Variants in GANC observed in about 807,000 individuals in gnomAD.
The protein encoded by GANC is glucosidase alpha, neutral C, also known as neutral alpha-glucosidase C.
A neutral mutation model predicts 124.2 loss-of-function variants in GANC; 117 were observed. That is an observed-to-expected ratio of 0.94 (90% CI 0.81 to 1.10). The LOEUF is 1.10. Ranked by LOEUF, GANC falls within the 50% of genes least tolerant of loss-of-function variation. The pLI is 0.00. For missense variants in GANC, 1,140 were observed against 1,095.0 expected (o/e 1.04, Z -0.58); for synonymous variants, 377 against 376.8 (o/e 1.00, Z -0.01).
chr15:42,331,037 G>C (rs1001203929), intron 15 of GANC, among the ~76,000 whole-genome samples: 4 of 152,038 alleles, frequency 2.6e-5, no homozygotes, highest in Non-Finnish European at 5.9e-5. Flanking sequence ...GGACTCAAGC[G>C]ATCTGCCCAC....
intron 5 of GANC, among the ~76,000 whole-genome samples, chr15:42,296,795 G>T (rs2051896359): frequency 6.6e-6 from 1 of 150,398 alleles, no homozygotes; most frequent in Non-Finnish European, 1.5e-5. Context: ...ATAAAAGTAT[G>T]CTGTATATAT....
At position 42,308,242 on chromosome 15, in the gene GANC, G is replaced by C. The variant is rs764488546; in HGVS notation, c.646G>C (p.Asp216His). The change falls in exon 8 of 24, where the codon GAT becomes CAT. Residue 216 changes from aspartate to histidine, a missense_variant. Transcript: ENST00000318010. Reference protein sequence around the residue: ...KANGPSSIGLDFSLHGFEHLY... With the variant: ...KANGPSSIGLHFSLHGFEHLY... ...TACAGGCCCTTCTTCTATTGGTTTG[G>C]ATTTCTCCTTGCATGGATTTGAGCA... 1 of 1,606,186 alleles carries C rather than the reference G, an allele frequency of 6.2e-7. No individual in the cohort carries two copies. The highest frequency in any genetic ancestry group is 1.1e-5 in the South Asian group (1 of 90,264).
At chr15:42,347,797 A>G (rs10518763) in intron 20 of GANC, among the ~76,000 whole-genome samples, 14,751 of 152,252 alleles carry the variant, frequency 0.097, 837 homozygotes, top group South Asian at 0.18. Context: ...AAAGCCACTT[A>G]TAGGATGGGC....
At chr15:42,340,191 A>G (rs1211450766) in intron 17 of GANC, among the ~76,000 whole-genome samples, 1 of 152,232 alleles carries the variant, frequency 6.6e-6, no homozygotes, top group African/African-American at 2.4e-5. Context: ...GTGGCTTTGT[A>G]ATAAAATTCA....
intron 15 of GANC, among the ~76,000 whole-genome samples, chr15:42,338,175 T>C (rs2052298460): frequency 6.6e-6 from 1 of 152,238 alleles, no homozygotes; most frequent in Admixed American, 6.5e-5. Flanking sequence ...AATTTCAGAA[T>C]ATTTTCCTAG....
chr15:42,340,600 C>CA, intron 17 of GANC, 90 bp from the exon 18 acceptor site: 1 of 790,330 alleles, frequency 1.3e-6, no homozygotes, highest in Non-Finnish European at 1.9e-6. Context: ...TGAGATCCAT[C>CA]TAAAAAAAAA....
At chr15:42,338,343 C>T (rs768765023) in intron 15 of GANC, 46 bp from the exon 16 acceptor site, 4 of 1,333,778 alleles carry the variant, frequency 3.0e-6, no homozygotes, top group Non-Finnish European at 3.2e-6. Flanking sequence ...AAATTGAACG[C>T]ATGGGTTGAT....
chr15:42,302,665 C>T (rs2051957553), intron 6 of GANC, among the ~76,000 whole-genome samples: 1 of 151,954 alleles, frequency 6.6e-6, no homozygotes, highest in Non-Finnish European at 1.5e-5. Context: ...CATAAATGAC[C>T]TGATGGAGCT....
rs2052235282 is a variant in GANC at position 42,330,611 on chromosome 15, T to TAAAGGG, written c.1683_1688dup (p.Gly562_Lys563dup). On this transcript the variant is annotated inframe_insertion, in exon 15 of 24. Coordinates refer to ENST00000318010, the MANE Select transcript of GANC (RefSeq NM_198141.3). Reference sequence around the variant, plus strand: ...CTGCAGAAGGACTGATAAAACGATCTAAAGGGAAGGAGAGACCCTTTGTTC... The same window carrying TAAAGGG: ...CTGCAGAAGGACTGATAAAACGATCTAAAGGGAAAGGGAAGGAGAGACCCTTTGTTC... The TAAAGGG allele has an allele frequency of 1.2e-6, 2 of 1,611,896 alleles. No individual in the cohort carries two copies. The highest frequency in any genetic ancestry group is 4.5e-5 in the East Asian group (2 of 44,826).
intron 13 of GANC, 193 bp downstream of exon 13, chr15:42,327,635 AC>A (rs2052208533): frequency 1.9e-6 from 1 of 515,910 alleles, no homozygotes; most frequent in Non-Finnish European, 3.5e-6. Context: ...AAGCAAATGC[AC>A]AAAACCTGTG....
At chr15:42,302,033 C>T (rs776998091) in intron 6 of GANC, among the ~76,000 whole-genome samples, 31 of 152,206 alleles carry the variant, frequency 2.0e-4, no homozygotes, top group Non-Finnish European at 4.4e-4. Flanking sequence ...CAAGTGGGTC[C>T]CTGACCCCCA....
chr15:42,314,187 GC>G, intron 10 of GANC: 1 of 759,842 alleles, frequency 1.3e-6, no homozygotes. Flanking sequence ...GGACAAGTTG[GC>G]CAGAAAATAT....
At chr15:42,336,332 A>C (rs141639103) in intron 15 of GANC, among the ~76,000 whole-genome samples, 2,170 of 152,270 alleles carry the variant, frequency 0.014, 48 homozygotes, top group African/African-American at 0.05. Context: ...AAGGTTGCAC[A>C]CCTACAACCA....
rs762015762 is a variant in GANC at position 42,310,844 on chromosome 15, C to G, written c.1055C>G (p.Thr352Arg). 4.8e-5 allele frequency: 77 copies of G among 1,608,062 alleles called. No individual in the cohort carries two copies. Among genetic ancestry groups the G allele is most frequent in the Admixed American group, 6.7e-5 (4 of 59,928 alleles). The change falls in exon 10 of 24, where the codon ACA (threonine) becomes AGA (arginine). Residue 352 changes from threonine (T) to arginine (R), a missense_variant and splice_region_variant. Coordinates refer to ENST00000318010, the MANE Select transcript of GANC (RefSeq NM_198141.3). ...SDVFKQYSHL[T>R]GTQAMPPLFS... ...GTCTTCAAACAGTACTCACACCTTA[C>G]AGGTATTTGCACGAAGAAGTGCCAG...
intron 8 of GANC, among the ~76,000 whole-genome samples, chr15:42,308,660 T>C (rs368716609): frequency 1.3e-5 from 2 of 152,190 alleles, no homozygotes; most frequent in South Asian, 2.1e-4. Flanking sequence ...ATTTATTTTG[T>C]ATTTTTAGTA....
rs1021366146 is a variant in GANC, at chr15:42,280,625, T to G, written c.201+2035T>G. Among the ~76,000 whole-genome samples, 94 of 152,330 alleles carry G rather than the reference T, an allele frequency of 6.2e-4. 1 individual carries two copies. The highest frequency in any genetic ancestry group is 2.1e-3 in the African/African-American group (88 of 41,586). ...TTTTTCTTCTCATTGTCTCATTTTC[T>G]TTCCTGTTTCCATTGTGTCTAACCT... On this transcript the variant is annotated intron_variant, in intron 3 of 23. Transcript: ENST00000318010.
At chr15:42,319,170 G>C (rs2052134511) in intron 10 of GANC, among the ~76,000 whole-genome samples, 1 of 151,614 alleles carries the variant, frequency 6.6e-6, no homozygotes, top group Non-Finnish European at 1.5e-5. Context: ...ATGGTTCCTT[G>C]GTTTTTGTTT....
rs1261908550 is a variant in GANC at position 42,349,393 on chromosome 15, TGG to T, written c.2431_2432del (p.Gly811Ter). On this transcript the variant is annotated frameshift_variant, in exon 22 of 24. Transcript: ENST00000318010. LOFTEE classifies it high-confidence loss of function. ...TGATTCATTCTCCAGGGTTCTTCAGTGGGTGAGTTATATCTTGATGATGGCCA... is the reference window on the plus strand; with the variant it reads ...TGATTCATTCTCCAGGGTTCTTCAGTGTGAGTTATATCTTGATGATGGCCA... The T allele has an allele frequency of 6.2e-7, 1 of 1,606,126 alleles. No homozygotes were observed. Among genetic ancestry groups the T allele is most frequent in the African/African-American group, 1.3e-5 (1 of 74,916 alleles).
Position 42,273,438 on chromosome 15 carries a change from T to G in GANC, c.-1044T>G. 1 of 1,610,576 alleles carries G rather than the reference T, an allele frequency of 6.2e-7. No individual in the cohort carries two copies. The highest frequency in any genetic ancestry group is 1.1e-5 in the South Asian group (1 of 90,998). ...AGTGCCTACCGAAAGCATTTCACCC[T>G]CTTCCGGTTCGTCCCGCCTTCTTCC... On this transcript the variant is annotated 5_prime_UTR_variant, in exon 1 of 24. Transcript: ENST00000318010.
Sources: gnomAD v4.1 joint callset for allele counts (sites outside exome capture counted in the v4.1 genomes callset) on GRCh38, gnomAD v4.1.1 for gene constraint, MANE v1.5 for transcripts, NCBI Gene and HGNC (gene_info 2026-07-23, HGNC 2026-07-21) for gene names.